NUP62: variants seen among roughly 807,000 people sequenced by gnomAD.
The protein encoded by NUP62 is nucleoporin 62, also known as nuclear pore glycoprotein p62.
For missense variants in NUP62, 647 were observed against 689.4 expected, an observed-to-expected ratio of 0.94 and a Z score of 0.69; for synonymous variants, 305 against 303.4, an observed-to-expected ratio of 1.01 and a Z score of -0.05.
rs144128222 is a variant in NUP62, at chr19:49,909,503, G to A, written c.305C>T (p.Thr102Ile). The change falls in exon 3 of 3, where the codon ACA becomes ATA. Residue 102 changes from threonine to isoleucine, a missense_variant. Physicochemically the swap from Thr to Ile is moderately conservative, Grantham distance 89 (BLOSUM62 -1). Transcript: ENST00000352066. ...IGASKLNLSNTAATPAMANPS... is the reference protein window; with the variant it reads ...IGASKLNLSNIAATPAMANPS... ...GTTTGCCATGGCTGGGGTGGCAGCTGTGTTGCTCAAGTTGAGCTTTGAAGC... is the reference window on the plus strand; with the variant it reads ...GTTTGCCATGGCTGGGGTGGCAGCTATGTTGCTCAAGTTGAGCTTTGAAGC... 2.5e-5 allele frequency: 40 copies of A among 1,614,082 alleles called. No homozygotes were observed. Among genetic ancestry groups the A allele is most frequent in the Non-Finnish European group, 3.1e-5 (36 of 1,180,046 alleles).
At chr19:49,925,051 C>T (rs998929864) in intron 2 of NUP62, among the ~76,000 whole-genome samples, 7 of 152,084 alleles carry the variant, frequency 4.6e-5, no homozygotes, top group Admixed American at 2.0e-4. Flanking sequence ...CGCCTGAGTT[C>T]GGGAGTTCGA....
At chr19:49,927,253 G>A (rs1034171922) in intron 2 of NUP62, among the ~76,000 whole-genome samples, 5 of 152,126 alleles carry the variant, frequency 3.3e-5, no homozygotes, top group Admixed American at 6.6e-5. Context: ...TAGTAAGAGG[G>A]GTGCAGTCAA....
chr19:49,923,925 G>A (rs1412233456), intron 2 of NUP62, among the ~76,000 whole-genome samples: 1 of 152,242 alleles, frequency 6.6e-6, no homozygotes, highest in African/African-American at 2.4e-5. Flanking sequence ...ACTGAGTGCT[G>A]GGCTCAGGAC....
In NUP62 at chr19:49,907,858, TATTTTTTC is replaced by T. The variant is rs1276709662; in HGVS notation, c.*373_*380del. 1 of 348,278 alleles carries T rather than the reference TATTTTTTC, an allele frequency of 2.9e-6. No individual in the cohort carries two copies. The highest frequency in any genetic ancestry group is 2.1e-5 in the African/African-American group (1 of 46,896). The allele number at this position is 348,278 out of a possible 1,614,324, so 21.6% of individuals were successfully genotyped here. On this transcript the variant is annotated 3_prime_UTR_variant, in exon 3 of 3. Coordinates refer to ENST00000352066, the MANE Select transcript of NUP62 (RefSeq NM_016553.5). Reference sequence around the variant, plus strand: ...GACTTGGAGGTTCTCTTACATTTGGTATTTTTTCATGACACCTATGACTATGCTTTGGA... The same window carrying T: ...GACTTGGAGGTTCTCTTACATTTGGTATGACACCTATGACTATGCTTTGGA...
At position 49,907,684 on chromosome 19, in the gene NUP62, G is replaced by A. The variant is rs942961208; in HGVS notation, c.*555C>T. 2.8e-5 allele frequency: 10 copies of A among 359,274 alleles called. No individual in the cohort carries two copies. Among genetic ancestry groups the A allele is most frequent in the South Asian group, 4.3e-5 (2 of 46,362 alleles). 22.3% of individuals were successfully genotyped at this position (359,274 alleles called of 1,614,324 possible). On this transcript the variant is annotated 3_prime_UTR_variant, in exon 3 of 3. Coordinates refer to ENST00000352066, the MANE Select transcript of NUP62 (RefSeq NM_016553.5). The stretch of plus-strand genomic sequence containing the variant: ...AGTAGCTGAGATTGAGATCACAGGC[G>A]TCCACCACACCTGACTAATTTTTGT...
chr19:49,908,261 C>T lies in NUP62; in HGVS notation c.1547G>A (p.Ser516Asn), dbSNP rs1248537976. 1.2e-6 allele frequency: 2 copies of T among 1,613,508 alleles called. No individual in the cohort carries two copies. The highest frequency in any genetic ancestry group is 2.2e-5 in the East Asian group (1 of 44,900). ...CGCTCAGTCAAAGGTGATCCGGAAG[C>T]TGCGCTCCTGCTCCTTGCGCCGGCC... ...CEGRRKEQER[S>N]FRITFD Residue 516 changes from serine (S) to asparagine (N), a missense_variant, in exon 3 of 3, where the codon AGC becomes AAC. Transcript: ENST00000352066.
chr19:49,916,544 C>T (rs539162645), intron 2 of NUP62, among the ~76,000 whole-genome samples: 95 of 151,856 alleles, frequency 6.3e-4, no homozygotes, highest in African/African-American at 2.2e-3. Context: ...AAGGCCGAGG[C>T]GGGCGGATCA....
intron 2 of NUP62, among the ~76,000 whole-genome samples, chr19:49,926,391 G>A (rs531730386): frequency 6.5e-4 from 98 of 151,828 alleles, no homozygotes; most frequent in African/African-American, 2.2e-3. Context: ...TTAGCCAGGC[G>A]TGGTGGTGGG....
rs2075332535 is a variant in NUP62, at chr19:49,906,849, T to G, written c.*1390A>C. ...GTTTTGGTTTCACAATACATTTATT[T>G]AGAAAAGCAACATACAGTAATAGGT... On this transcript the variant is annotated 3_prime_UTR_variant, in exon 3 of 3. Transcript: ENST00000352066. 1 of 152,226 alleles carries G rather than the reference T, an allele frequency of 6.6e-6. No individual in the cohort carries two copies. The highest frequency in any genetic ancestry group is 2.4e-5 in the African/African-American group (1 of 41,446). 9.4% of individuals were successfully genotyped at this position (152,226 alleles called of 1,614,324 possible).
At position 49,909,887 on chromosome 19, in the gene NUP62, A is replaced by G; in HGVS notation, c.-77-3T>C. On this transcript the variant is annotated splice_polypyrimidine_tract_variant and splice_region_variant and intron_variant, in intron 2 of 2. Coordinates refer to ENST00000352066, the MANE Select transcript of NUP62 (RefSeq NM_016553.5). ...TGTCTGCAGCCTTGGGAAGATTTCT[A>G]AAGCAGAGGAAGTGACATTGTCAGA... The G allele has an allele frequency of 6.8e-7, 1 of 1,465,784 alleles. No individual in the cohort carries two copies. The highest frequency in any genetic ancestry group is 9.5e-7 in the Non-Finnish European group (1 of 1,056,680). 90.8% of individuals were successfully genotyped at this position (1,465,784 alleles called of 1,614,324 possible).
rs2075393937 is a variant in NUP62 at position 49,909,100 on chromosome 19, T to C, written c.708A>G (p.Gly236=). The C allele has an allele frequency of 6.2e-7, 1 of 1,611,788 alleles. No individual in the cohort carries two copies. Among genetic ancestry groups the C allele is most frequent in the Non-Finnish European group, 8.5e-7 (1 of 1,179,882 alleles). The change falls in exon 3 of 3, where the codon GGA becomes GGG. Residue 236 remains glycine, a synonymous_variant. Transcript: ENST00000352066. ...TGGTCACAGGGGTACAGAGGGAGAGTCCAGTGGTGGCAGATGAGGTTGGAG... is the reference window on the plus strand; with the variant it reads ...TGGTCACAGGGGTACAGAGGGAGAGCCCAGTGGTGGCAGATGAGGTTGGAG... ...ATAPTSSATT[G]LSLCTPVTTA...
At chr19:49,922,340 T>A (rs2075785594) in intron 2 of NUP62, among the ~76,000 whole-genome samples, 1 of 151,954 alleles carries the variant, frequency 6.6e-6, no homozygotes, top group Non-Finnish European at 1.5e-5. Context: ...AGGAAGAGAG[T>A]AATAAGACAC....
At chr19:49,922,788 C>T (rs562056342) in intron 2 of NUP62, among the ~76,000 whole-genome samples, 42 of 152,170 alleles carry the variant, frequency 2.8e-4, no homozygotes, top group African/African-American at 9.9e-4. Context: ...AGTGTTGCTG[C>T]GGCCCCGGTG....
In NUP62 at chr19:49,914,726, G is replaced by GTTTTTTTTTTTTTTTTTTTT. The variant is rs530372497; in HGVS notation, c.-77-4862_-77-4843dup. On this transcript the variant is annotated intron_variant, in intron 2 of 2. Coordinates refer to ENST00000352066, the MANE Select transcript of NUP62 (RefSeq NM_016553.5). ...GATTCTTGTGCCACTCCAAGTCCCAGTTTTTTTTTTTTTTTTTTTTTTTTT... is the reference window on the plus strand; with the variant it reads ...GATTCTTGTGCCACTCCAAGTCCCAGTTTTTTTTTTTTTTTTTTTTTTTTTTTTTTTTTTTTTTTTTTTTT... 8.9e-5 allele frequency among the ~76,000 whole-genome samples: 5 copies of GTTTTTTTTTTTTTTTTTTTT among 56,404 alleles called. 1 individual carries two copies. Among genetic ancestry groups the GTTTTTTTTTTTTTTTTTTTT allele is most frequent in the Admixed American group, 2.8e-4 (1 of 3,586 alleles). 37.0% of individuals were successfully genotyped at this position (56,404 alleles called of 152,430 possible). A position where few individuals can be genotyped will look rare whatever the true frequency, so the allele number is the denominator to read the frequency against.
intron 2 of NUP62, among the ~76,000 whole-genome samples, chr19:49,922,462 G>A (rs1195652755): frequency 2.0e-5 from 3 of 151,914 alleles, no homozygotes; most frequent in Non-Finnish European, 2.9e-5. Context: ...GGGCTGTGTC[G>A]GAATGAAGCC....
In NUP62 at chr19:49,921,535, C is replaced by T. The variant is rs894822350; in HGVS notation, c.-78+6159G>A. Among the ~76,000 whole-genome samples, 10 of 152,306 alleles carry T rather than the reference C, an allele frequency of 6.6e-5. No homozygotes were observed. The highest frequency in any genetic ancestry group is 3.9e-4 in the East Asian group (2 of 5,170). On this transcript the variant is annotated intron_variant, in intron 2 of 2. Coordinates refer to ENST00000352066, the MANE Select transcript of NUP62 (RefSeq NM_016553.5). This position sits in a 1 kb window ranked among gnomAD's most constrained non-coding sequence, Gnocchi z 5.4. The stretch of plus-strand genomic sequence containing the variant: ...GAGACGCCTGCAGGGAAGAGAGGGG[C>T]GTCCGCTGCTCGCCAACCCCCATAC...
rs28378308 is a variant in NUP62 at position 49,923,416 on chromosome 19, G to A, written c.-78+4278C>T. Reference sequence around the variant, plus strand: ...AGCAGCACAGGGCGGGGGGTTGTGGGGAACGTTTCTGGGAATGAGGAGGGC... The same window carrying A: ...AGCAGCACAGGGCGGGGGGTTGTGGAGAACGTTTCTGGGAATGAGGAGGGC... On this transcript the variant is annotated intron_variant, in intron 2 of 2. Coordinates refer to ENST00000352066, the MANE Select transcript of NUP62 (RefSeq NM_016553.5). Among the ~76,000 whole-genome samples, 305 of 152,336 alleles carry A rather than the reference G, an allele frequency of 2.0e-3. 2 individuals carry two copies. Among genetic ancestry groups the A allele is most frequent in the African/African-American group, 7.0e-3 (289 of 41,578 alleles).
intron 2 of NUP62, among the ~76,000 whole-genome samples, chr19:49,922,986 C>T (rs2075800018): frequency 6.6e-6 from 1 of 152,138 alleles, no homozygotes. Flanking sequence ...TCGGGGGGTA[C>T]AGTATCTTGT....
intron 2 of NUP62, among the ~76,000 whole-genome samples, chr19:49,920,951 G>C (rs1422140176): frequency 6.6e-6 from 1 of 152,276 alleles, no homozygotes; most frequent in Non-Finnish European, 1.5e-5. Flanking sequence ...GGCCCAGGCC[G>C]GGCTGTGGTG....
Sources: gnomAD v4.1 joint callset for allele counts (sites outside exome capture counted in the v4.1 genomes callset) on GRCh38, gnomAD v4.1.1 for gene constraint, Gnocchi (gnomAD v3.1) non-coding constraint, MANE v1.5 for transcripts, NCBI Gene and HGNC (gene_info 2026-07-23, HGNC 2026-07-21) for gene names.